The following ARAP2 variants were observed in gnomAD, a reference collection of about 807,000 sequenced individuals.
ARAP2 encodes the protein ArfGAP with RhoGAP domain, ankyrin repeat and PH domain 2, also known as arf-GAP with Rho-GAP domain, ANK repeat and PH domain-containing protein 2.
A neutral mutation model predicts 194.5 loss-of-function variants in ARAP2; 148 were observed. The observed-to-expected ratio is 0.76, with a 90% CI of 0.67 to 0.87. The LOEUF is 0.87. Ranked by LOEUF, ARAP2 falls within the 40% of genes least tolerant of loss-of-function variation. The probability of loss-of-function intolerance (pLI) is 0.00; values close to 1 mark genes in which losing one functional copy is unlikely to be tolerated. For synonymous variants in ARAP2, 695 were observed against 683.5 expected (o/e 1.02, Z -0.26); for missense variants, 2,128 against 1,989.7 (o/e 1.07, Z -1.32).
chr4:36,154,899 A>C (rs1731878509), intron 15 of ARAP2, among the ~76,000 whole-genome samples: 1 of 152,158 alleles, frequency 6.6e-6, no homozygotes, highest in Non-Finnish European at 1.5e-5. Context: ...TTTTTCCATA[A>C]ATCTGATGTT....
chr4:36,221,273 A>G (rs969611506), intron 2 of ARAP2, among the ~76,000 whole-genome samples: 3 of 152,132 alleles, frequency 2.0e-5, no homozygotes, highest in African/African-American at 7.2e-5. Context: ...ACCTAATGGC[A>G]TATTTCTCAG....
chr4:36,146,981 T>G (rs1448343501), intron 19 of ARAP2, among the ~76,000 whole-genome samples: 4 of 152,014 alleles, frequency 2.6e-5, no homozygotes, highest in African/African-American at 9.7e-5. Context: ...ATTCTTACAA[T>G]GAAGATATAT....
chr4:36,102,363 A>G (rs1172114552), intron 27 of ARAP2, among the ~76,000 whole-genome samples: 1 of 152,040 alleles, frequency 6.6e-6, no homozygotes, highest in African/African-American at 2.4e-5. Context: ...CTGATGATAT[A>G]TACTCTGGAA....
intron 27 of ARAP2, among the ~76,000 whole-genome samples, chr4:36,097,159 T>C (rs1243639838): frequency 6.6e-6 from 1 of 152,098 alleles, no homozygotes; most frequent in Non-Finnish European, 1.5e-5. Flanking sequence ...ATCGTTTAAA[T>C]AGTAACATTT....
In ARAP2 at chr4:36,082,294, A is replaced by G. The variant is rs762248342; in HGVS notation, c.4509-8T>C. The G allele has an allele frequency of 1.8e-5, 29 of 1,606,614 alleles. No individual in the cohort carries two copies. The African/African-American group carries it at 3.6e-4, about 20-fold the overall frequency. On this transcript the variant is annotated splice_region_variant and splice_polypyrimidine_tract_variant and intron_variant, in intron 29 of 32. Coordinates refer to ENST00000303965, the MANE Select transcript of ARAP2 (RefSeq NM_015230.4). ...TATGCGGTCAATCCCCAGCTGCATC[A>G]CATAGAAAAAAAAACACACATAAAT...
At position 36,067,909 on chromosome 4, in the gene ARAP2, A is replaced by G. The variant is rs767962113; in HGVS notation, c.5113T>C (p.Ter1705GlnextTer4). The change falls in exon 33 of 33, where the codon TAG becomes CAG. Residue 1705 changes from the stop codon to glutamine, a stop_lost. Coordinates refer to ENST00000303965, the MANE Select transcript of ARAP2 (RefSeq NM_015230.4). Reference protein sequence around the residue: ...KELQDEQILK* With the variant: ...KELQDEQILKQ Reference sequence around the variant, plus strand: ...TGGGGAGCAATTCATTTTATTTCCTACTTCAAAATCTGCTCATCCTGTAAT... The same window carrying G: ...TGGGGAGCAATTCATTTTATTTCCTGCTTCAAAATCTGCTCATCCTGTAAT... The G allele has an allele frequency of 1.9e-6, 3 of 1,565,752 alleles. No homozygotes were observed. The Admixed American group carries it at 5.8e-5, about 30-fold the overall frequency.
rs767343503 is a variant in ARAP2, at chr4:36,128,514, A to G, written c.3640+19T>C. ...CACACACACACACACATATCTACAA[A>G]TATCTGTATAAATATTACCTAAAGC... is the stretch of plus-strand genomic sequence containing the variant. On this transcript the variant is annotated intron_variant, in intron 21 of 32. Coordinates refer to ENST00000303965, the MANE Select transcript of ARAP2 (RefSeq NM_015230.4). 3.2e-6 allele frequency: 5 copies of G among 1,548,560 alleles called. No homozygotes were observed. In the South Asian group the frequency reaches 3.3e-5, roughly 10 times the overall value.
chr4:36,128,475 T>TACACACAC, intron 21 of ARAP2, 58 bp downstream of exon 21: 1 of 256,432 alleles, frequency 3.9e-6, no homozygotes, highest in South Asian at 1.4e-4. Flanking sequence ...TGGTCTATAT[T>TACACACAC]ATACACACAC....
Position 36,121,194 on chromosome 4 carries a change from A to C in ARAP2, c.3879T>G (p.Tyr1293Ter). 6.3e-7 allele frequency: 1 copy of C among 1,593,478 alleles called. No homozygotes were observed. Among genetic ancestry groups the C allele is most frequent in the Non-Finnish European group, 8.6e-7 (1 of 1,168,404 alleles). The change falls in exon 23 of 33, where the codon TAT becomes TAG. Residue 1293 changes from tyrosine (Y) to a stop codon, truncating the protein, a stop_gained. Coordinates refer to ENST00000303965, the MANE Select transcript of ARAP2 (RefSeq NM_015230.4). LOFTEE classifies it high-confidence loss of function. ...AAATAATTACCTCAAATATTTCTAC[A>C]TAATTATTAATTAGGTCCTCAATTA... is the stretch of plus-strand genomic sequence containing the variant. ...VNVIEDLINN[Y>*]VEIFEVKEDQ...
In ARAP2 at chr4:36,006,179, T is replaced by A. The variant is rs373958861; in HGVS notation, n.1469+724A>T. 16 of 152,336 alleles carry A rather than the reference T, an allele frequency of 1.1e-4. No individual in the cohort carries two copies. The South Asian group carries it at 3.1e-3, about 30-fold the overall frequency. 9.4% of individuals were successfully genotyped at this position (152,336 alleles called of 1,614,324 possible). A position where few individuals can be genotyped will look rare whatever the true frequency, so the allele number is the denominator to read the frequency against. On this transcript the variant is annotated intron_variant and non_coding_transcript_variant, in intron 10 of 12. Coordinates refer to the ARAP2 transcript ENST00000503225. Reference sequence around the variant, plus strand: ...GGACATGTTCTGAAGAGAGGACTATTCCAGCTCCTCTGAGAGAGGTCAGAT... The same window carrying A: ...GGACATGTTCTGAAGAGAGGACTATACCAGCTCCTCTGAGAGAGGTCAGAT...
chr4:36,068,624 G>A (rs1422064057), intron 32 of ARAP2, among the ~76,000 whole-genome samples: 1 of 152,122 alleles, frequency 6.6e-6, no homozygotes, highest in Non-Finnish European at 1.5e-5. Context: ...CGTGATGATG[G>A]GCAGTGGCAA....
At chr4:36,159,016 A>C in intron 14 of ARAP2, 152 bp from the exon 15 acceptor site, 1 of 817,490 alleles carries the variant, frequency 1.2e-6, no homozygotes. Context: ...ACTTTGCATA[A>C]AATTTGCAAA....
chr4:36,147,028 C>T (rs944841217), intron 19 of ARAP2, among the ~76,000 whole-genome samples: 2 of 151,894 alleles, frequency 1.3e-5, no homozygotes, highest in African/African-American at 4.8e-5. Context: ...TATTTAAATG[C>T]AAATGTCACA....
intron 8 of ARAP2, among the ~76,000 whole-genome samples, chr4:36,185,805 G>A (rs548144483): frequency 2.0e-5 from 3 of 150,878 alleles, no homozygotes; most frequent in Non-Finnish European, 4.4e-5. Context: ...GTGAAACCCC[G>A]TCTCTACTAG....
intron 20 of ARAP2, among the ~76,000 whole-genome samples, chr4:36,129,499 C>G (rs770384065): frequency 6.6e-6 from 1 of 151,830 alleles, no homozygotes; most frequent in Non-Finnish European, 1.5e-5. Context: ...TTTCTAGATG[C>G]TTTTCGGTTT....
chr4:36,044,246 C>T (rs1421851216), intron 5 of ARAP2, among the ~76,000 whole-genome samples: 3 of 152,046 alleles, frequency 2.0e-5, no homozygotes, highest in Admixed American at 1.3e-4. Flanking sequence ...AAACTAGAGG[C>T]CATTCATGAT....
At chr4:36,073,845 C>G in intron 31 of ARAP2, 22 bp from the exon 32 acceptor site, 1 of 1,611,534 alleles carries the variant, frequency 6.2e-7, no homozygotes, top group Middle Eastern at 1.7e-4. Context: ...CAATTTCTTG[C>G]TGTTGGTGTG....
At chr4:36,115,750 A>C (rs1170077498) in intron 25 of ARAP2, among the ~76,000 whole-genome samples, 1 of 152,060 alleles carries the variant, frequency 6.6e-6, no homozygotes, top group Non-Finnish European at 1.5e-5. Context: ...AATAATTAGC[A>C]GAGATAAATG....
At chr4:36,217,877 A>T (rs1415588064) in intron 2 of ARAP2, among the ~76,000 whole-genome samples, 1 of 151,556 alleles carries the variant, frequency 6.6e-6, no homozygotes, top group Admixed American at 6.6e-5. Context: ...GATATACGAT[A>T]ATACTAGATA....
Sources: allele counts gnomAD v4.1 joint callset (sites outside exome capture counted in the v4.1 genomes callset), GRCh38; gene constraint gnomAD v4.1.1; transcripts MANE v1.5; gene names NCBI Gene and HGNC (gene_info 2026-07-23, HGNC 2026-07-21).